CTTN: variants seen among roughly 807,000 people sequenced by gnomAD.
The protein encoded by CTTN is cortactin, also known as src substrate cortactin.
Under a neutral mutation model 84.0 loss-of-function variants are expected in CTTN, and 28 were observed. The observed-to-expected ratio is 0.33, with a 90% CI of 0.25 to 0.46. The LOEUF is 0.46. CTTN is among the 20% of genes least tolerant of loss of function. CTTN has a pLI of 1.00. For missense variants in CTTN, 641 were observed against 723.8 expected (o/e 0.89, Z 1.31); for synonymous variants, 301 against 288.8 (o/e 1.04, Z -0.43).
In CTTN at chr11:70,436,226, C is replaced by T. The variant is rs534953093; in HGVS notation, c.*1064C>T. ...ATGAGTGTGTGTTCTTCCCCAAGGTCCCCCCACAGCTCCAGGACACCGCTG... is the reference window on the plus strand; with the variant it reads ...ATGAGTGTGTGTTCTTCCCCAAGGTTCCCCCACAGCTCCAGGACACCGCTG... On this transcript the variant is annotated 3_prime_UTR_variant, in exon 18 of 18. Transcript: ENST00000301843. 97 of 1,579,370 alleles carry T rather than the reference C, an allele frequency of 6.1e-5. No homozygotes were observed. The African/African-American group carries it at 1.2e-3, about 19-fold the overall frequency.
intron 4 of CTTN, among the ~76,000 whole-genome samples, chr11:70,409,174 G>A (rs2058074378): frequency 6.6e-6 from 1 of 152,022 alleles, no homozygotes; most frequent in Non-Finnish European, 1.5e-5. Context: ...GTCAAAGGTG[G>A]CGTCCTGGTG....
Position 70,429,052 on chromosome 11 carries a change from G to T in CTTN, c.1029G>T (p.Val343=). Residue 343 remains valine (V), a splice_region_variant and synonymous_variant, in exon 14 of 18, where the codon GTG becomes GTT. Transcript: ENST00000301843. ...ACGTCCTCCCTCCTTCCTCTATAGT[G>T]ACCAGCAAAACAAGTAACATCAGAG... The part of the protein sequence containing the change: ...AYQKTVPVEA[V]TSKTSNIRAN... The T allele has an allele frequency of 6.2e-7, 1 of 1,614,156 alleles. No homozygotes were observed. Among genetic ancestry groups the T allele is most frequent in the South Asian group, 1.1e-5 (1 of 91,036 alleles).
intron 13 of CTTN, 101 bp downstream of exon 13, chr11:70,425,502 G>C (rs1050429429): frequency 2.5e-6 from 2 of 814,314 alleles, no homozygotes; most frequent in African/African-American, 3.4e-5. Context: ...ACCACTAGTT[G>C]AAAGCGTGGT....
chr11:70,417,171 C>T (rs2058173595), intron 8 of CTTN, 48 bp downstream of exon 8: 4 of 1,390,478 alleles, frequency 2.9e-6, no homozygotes, highest in Non-Finnish European at 3.1e-6. Context: ...TCCAGAAACA[C>T]CCACGAGGGC....
At chr11:70,424,354 G>A (rs1221676980) in intron 12 of CTTN, among the ~76,000 whole-genome samples, 1 of 152,134 alleles carries the variant, frequency 6.6e-6, no homozygotes, top group African/African-American at 2.4e-5. Context: ...CTGAGCTTGT[G>A]AGCACGTGAG....
chr11:70,409,879 G>A lies in CTTN; in HGVS notation c.210G>A (p.Lys70=). 2 of 1,614,080 alleles carry A rather than the reference G, an allele frequency of 1.2e-6. No homozygotes were observed. Among genetic ancestry groups the A allele is most frequent in the Non-Finnish European group, 1.7e-6 (2 of 1,179,954 alleles). The change falls in exon 5 of 18, where the codon AAG becomes AAA. Residue 70 remains lysine (K), a synonymous_variant. Coordinates refer to ENST00000301843, the MANE Select transcript of CTTN (RefSeq NM_005231.4). ...TCTTTCAAGAGCATCAGACCCTTAA[G>A]GAGAAGGAACTTGAAACAGGACCAA... ...ENVFQEHQTL[K]EKELETGPKA...
At chr11:70,404,479 AG>A (rs2058021177) in intron 1 of CTTN, among the ~76,000 whole-genome samples, 1 of 152,228 alleles carries the variant, frequency 6.6e-6, no homozygotes, top group South Asian at 2.1e-4. Flanking sequence ...TCCAGCTGCC[AG>A]TCTCATGTCT....
At chr11:70,402,450 G>A (rs527771946) in intron 1 of CTTN, among the ~76,000 whole-genome samples, 1 of 152,144 alleles carries the variant, frequency 6.6e-6, no homozygotes, top group Non-Finnish European at 1.5e-5. Flanking sequence ...ACCTCAAAAA[G>A]AAGCCCTTGT....
At position 70,435,488 on chromosome 11, in the gene CTTN, T is replaced by C; in HGVS notation, c.*326T>C. The C allele has an allele frequency of 2.6e-6, 4 of 1,553,758 alleles. No individual in the cohort carries two copies. The South Asian group carries it at 4.7e-5, about 18-fold the overall frequency. ...CAGCTTCAGGGAGCTCGCATTCTCTTGTGTTCGTGTTGCCCTCGTGCCCAT... is the reference window on the plus strand; with the variant it reads ...CAGCTTCAGGGAGCTCGCATTCTCTCGTGTTCGTGTTGCCCTCGTGCCCAT... On this transcript the variant is annotated 3_prime_UTR_variant, in exon 18 of 18. Coordinates refer to ENST00000301843, the MANE Select transcript of CTTN (RefSeq NM_005231.4).
At chr11:70,413,594 G>A (rs1296823689) in intron 5 of CTTN, among the ~76,000 whole-genome samples, 2 of 152,158 alleles carry the variant, frequency 1.3e-5, no homozygotes, top group African/African-American at 4.8e-5. Context: ...GGTCTGGAAA[G>A]CCCAGGGGAA....
rs973512664 is a variant in CTTN at position 70,435,926 on chromosome 11, C to A, written c.*764C>A. 2 of 1,459,056 alleles carry A rather than the reference C, an allele frequency of 1.4e-6. No individual in the cohort carries two copies. Among genetic ancestry groups the A allele is most frequent in the Non-Finnish European group, 1.8e-6 (2 of 1,115,752 alleles). 90.4% of individuals were successfully genotyped at this position (1,459,056 alleles called of 1,614,324 possible). On this transcript the variant is annotated 3_prime_UTR_variant, in exon 18 of 18. Coordinates refer to ENST00000301843, the MANE Select transcript of CTTN (RefSeq NM_005231.4). ...CCCCGCGGGTCTCTGGATTGGGACG[C>A]ACAGTGCAGTTGAGGTCTGCGTCGG... is the stretch of plus-strand genomic sequence containing the variant.
intron 8 of CTTN, 53 bp from the exon 9 acceptor site, chr11:70,419,693 G>C: frequency 6.9e-7 from 1 of 1,452,746 alleles, no homozygotes; most frequent in Non-Finnish European, 9.5e-7. Context: ...ATACTTGCAT[G>C]TTCACTGATT....
At chr11:70,410,450 C>G (rs955335614) in intron 5 of CTTN, 3 of 160,764 alleles carry the variant, frequency 1.9e-5, no homozygotes, top group Admixed American at 1.2e-4. Context: ...GTAAATTCGG[C>G]GCGTACCAGG....
chr11:70,422,683 C>T lies in CTTN; in HGVS notation c.902-257C>T. 25 of 1,425,138 alleles carry T rather than the reference C, an allele frequency of 1.8e-5. 1 individual carries two copies. In the South Asian group the frequency reaches 3.0e-4, roughly 17 times the overall value. 88.3% of individuals were successfully genotyped at this position (1,425,138 alleles called of 1,614,324 possible). A position where few individuals can be genotyped will look rare whatever the true frequency, so the allele number is the denominator to read the frequency against. On this transcript the variant is annotated intron_variant, in intron 11 of 17. Transcript: ENST00000301843. ...TAGCTCCTGCCTGCTGCCCGCCGCCCCTCCTGCCCCTCCTGCCCCTCAGGG... is the reference window on the plus strand; with the variant it reads ...TAGCTCCTGCCTGCTGCCCGCCGCCTCTCCTGCCCCTCCTGCCCCTCAGGG...
intron 2 of CTTN, 75 bp downstream of exon 2, chr11:70,405,436 CG>C (rs1292045426): frequency 2.0e-5 from 3 of 152,162 alleles, no homozygotes; most frequent in African/African-American, 4.8e-5. Context: ...TAACAGGAAA[CG>C]GGGGAGGTTG....
intron 10 of CTTN, 31 bp from the exon 11 acceptor site, chr11:70,421,439 G>A (rs2058235228): frequency 6.7e-7 from 1 of 1,483,744 alleles, no homozygotes; most frequent in Admixed American, 1.7e-5. Flanking sequence ...TCTTTTGGTT[G>A]TTTTCCCCAC....
In CTTN at chr11:70,435,179, C is replaced by G. The variant is rs185470349; in HGVS notation, c.*17C>G. The G allele has an allele frequency of 1.1e-5, 17 of 1,598,638 alleles. No individual in the cohort carries two copies. The highest frequency in any genetic ancestry group is 1.7e-5 in the Admixed American group (1 of 59,082). ...CGGCAGTAGGGCCCCCAGCCCCCCCCCGGAGCTGCGCCCTGGATCCTCACA... is the reference window on the plus strand; with the variant it reads ...CGGCAGTAGGGCCCCCAGCCCCCCCGCGGAGCTGCGCCCTGGATCCTCACA... On this transcript the variant is annotated 3_prime_UTR_variant, in exon 18 of 18. Transcript: ENST00000301843.
At chr11:70,399,451 G>C (rs1340589917) in intron 1 of CTTN, among the ~76,000 whole-genome samples, 2 of 152,078 alleles carry the variant, frequency 1.3e-5, no homozygotes, top group African/African-American at 4.8e-5. Flanking sequence ...TGTGGGACGT[G>C]GCGGAGCAGC....
At chr11:70,425,039 C>G (rs545425058) in intron 12 of CTTN, among the ~76,000 whole-genome samples, 1 of 152,094 alleles carries the variant, frequency 6.6e-6, no homozygotes, top group Non-Finnish European at 1.5e-5. Flanking sequence ...TGGGTGGCGA[C>G]GGAGGGTGGG....
Sources: gnomAD v4.1 joint callset for allele counts (sites outside exome capture counted in the v4.1 genomes callset) on GRCh38, gnomAD v4.1.1 for gene constraint, MANE v1.5 for transcripts, NCBI Gene and HGNC (gene_info 2026-07-23, HGNC 2026-07-21) for gene names.